Variants in NOL7 observed in about 807,000 individuals in gnomAD.
NOL7 encodes the protein nucleolar protein 7, also known as U3 small nucleolar RNA-associated protein NOL7.
In NOL7, 36 loss-of-function variants were observed where a neutral mutation model predicts 38.4. That is an observed-to-expected ratio of 0.94 (90% confidence interval 0.72 to 1.24). NOL7 has a LOEUF of 1.24. Among genes scored for constraint, NOL7 ranks in the 50% most tolerant of loss-of-function variants. The pLI is 0.00. For missense variants in NOL7, 350 were observed against 315.1 expected (o/e 1.11, Z -0.84); for synonymous variants, 142 against 126.5 (o/e 1.12, Z -0.82).
chr6:13,615,867 G>A, intron 2 of NOL7, 95 bp downstream of exon 2: 2 of 1,245,150 alleles, frequency 1.6e-6, no homozygotes, highest in South Asian at 2.9e-5. Flanking sequence ...ATATTGGAGT[G>A]GGGAAACAGT....
At chr6:13,626,524 G>A (rs1340809389), downstream of NOL7, among the ~76,000 whole-genome samples, 1 of 152,108 alleles carries the variant, frequency 6.6e-6, no homozygotes, top group Non-Finnish European at 1.5e-5. Context: ...TTTGTATGAG[G>A]ACTAAATGAA....
At chr6:13,615,875 A>C (rs1039449017) in intron 2 of NOL7, 103 bp downstream of exon 2, 2 of 1,172,990 alleles carry the variant, frequency 1.7e-6, no homozygotes, top group Middle Eastern at 2.1e-4. Flanking sequence ...GTGGGGAAAC[A>C]GTCACCAAGA....
chr6:13,617,897 A>G, intron 4 of NOL7, 96 bp downstream of exon 4: 4 of 1,288,174 alleles, frequency 3.1e-6, no homozygotes, highest in Non-Finnish European at 4.5e-6. Context: ...GAAAGCCAGC[A>G]TGGGCCTGGC....
downstream of NOL7, chr6:13,625,699 C>G: frequency 1.2e-6 from 2 of 1,613,230 alleles, no homozygotes; most frequent in Non-Finnish European, 1.7e-6. Flanking sequence ...CTCTCTGAAT[C>G]GGGTCAAGCT....
chr6:13,616,516 G>GACTA lies in NOL7; in HGVS notation c.383_386dup (p.Ile130Ter). ...TGGAGAAGTTAACCACAGCTTCACA[G>GACTA]ACTAAGTAAGTAATGGATCTTTTTA... On this transcript the variant is annotated frameshift_variant, in exon 3 of 8. Coordinates refer to ENST00000451315, the MANE Select transcript of NOL7 (RefSeq NM_016167.5). LOFTEE classifies it high-confidence loss of function. 1.2e-6 allele frequency: 2 copies of GACTA among 1,602,602 alleles called. No individual in the cohort carries two copies. The highest frequency in any genetic ancestry group is 1.7e-6 in the Non-Finnish European group (2 of 1,172,658).
At chr6:13,625,672 A>G, downstream of NOL7, 1 of 1,610,040 alleles carries the variant, frequency 6.2e-7, no homozygotes. Flanking sequence ...CACTGTTAAG[A>G]GCTGAGCACA....
chr6:13,624,105 A>G (rs1302606998), downstream of NOL7, among the ~76,000 whole-genome samples: 2 of 152,246 alleles, frequency 1.3e-5, no homozygotes, highest in Non-Finnish European at 2.9e-5. Flanking sequence ...CAATGAAAAT[A>G]TAACACATTA....
intron 5 of NOL7, among the ~76,000 whole-genome samples, chr6:13,619,074 A>G (rs1388579715): frequency 6.6e-6 from 1 of 152,176 alleles, no homozygotes; most frequent in Non-Finnish European, 1.5e-5. Flanking sequence ...CAGCACTTCA[A>G]ACTTGCCAGC....
intron 4 of NOL7, 125 bp downstream of exon 4, chr6:13,617,926 A>C: frequency 1.9e-6 from 2 of 1,030,878 alleles, no homozygotes; most frequent in Non-Finnish European, 3.0e-6. Context: ...GCTGGGGCCT[A>C]TTCCCTGTAT....
Position 13,615,772 on chromosome 6 carries a change from G to A in NOL7, c.327G>A (p.Lys109=), listed in dbSNP as rs1299223537. 3 of 1,612,122 alleles carry A rather than the reference G, an allele frequency of 1.9e-6. No individual in the cohort carries two copies. Among genetic ancestry groups the A allele is most frequent in the Non-Finnish European group, 2.5e-6 (3 of 1,179,272 alleles). ...GCGAGGAGCTGTTCATCGAACAGAA[G>A]GTTAGAGGCTAGGGAGGAGGTGTCT... The part of the protein sequence containing the change: ...KRREELFIEQ[K]KRKLLPDTIL... The change falls in exon 2 of 8, where the codon AAG becomes AAA. Residue 109 remains lysine, a splice_region_variant and synonymous_variant. Transcript: ENST00000451315.
In NOL7 at chr6:13,615,728, AAGG is replaced by A. The variant is rs1764263081; in HGVS notation, c.286_288del (p.Glu96del). On this transcript the variant is annotated inframe_deletion, in exon 2 of 8. Coordinates refer to ENST00000451315, the MANE Select transcript of NOL7 (RefSeq NM_016167.5). The stretch of plus-strand genomic sequence containing the variant: ...TCCTCCCAGGGATAAAACGCTCCTG[AAGG>A]AGAAGAGGAAGCGACGCGAGGAGCT... 3 of 1,614,204 alleles carry A rather than the reference AAGG, an allele frequency of 1.9e-6. No individual in the cohort carries two copies. The highest frequency in any genetic ancestry group is 1.7e-6 in the Non-Finnish European group (2 of 1,180,020).
chr6:13,616,561 C>A, intron 3 of NOL7, 40 bp downstream of exon 3: 1 of 1,351,054 alleles, frequency 7.4e-7, no homozygotes, highest in Non-Finnish European at 1.0e-6. Context: ...CTTATATACA[C>A]CCATCTTTGA....
intron 8 of NOL7, among the ~76,000 whole-genome samples, chr6:13,627,733 A>G (rs189947861): frequency 2.0e-5 from 3 of 152,254 alleles, no homozygotes; most frequent in Admixed American, 1.3e-4. Flanking sequence ...CCATACCCAT[A>G]GTACAGATAA....
Position 13,620,911 on chromosome 6 carries a change from A to C in NOL7, c.*84A>C. 1.2e-6 allele frequency: 1 copy of C among 841,628 alleles called. No homozygotes were observed. The highest frequency in any genetic ancestry group is 1.8e-6 in the Non-Finnish European group (1 of 548,712). The allele number at this position is 841,628 out of a possible 1,614,324, so 52.1% of individuals were successfully genotyped here. A position where few individuals can be genotyped will look rare whatever the true frequency, so the allele number is the denominator to read the frequency against. ...TCATAGATCATTTTAAAGGATCATTATAAAAATCATAAACCTATTTGAGGA... is the reference window on the plus strand; with the variant it reads ...TCATAGATCATTTTAAAGGATCATTCTAAAAATCATAAACCTATTTGAGGA... On this transcript the variant is annotated 3_prime_UTR_variant, in exon 8 of 8. Coordinates refer to ENST00000451315, the MANE Select transcript of NOL7 (RefSeq NM_016167.5).
At chr6:13,624,321 C>T (rs568588223), downstream of NOL7, among the ~76,000 whole-genome samples, 2 of 152,170 alleles carry the variant, frequency 1.3e-5, no homozygotes, top group African/African-American at 4.8e-5. Flanking sequence ...GCCCTCATTG[C>T]AAGTCTCCCT....
At chr6:13,620,159 G>T in intron 5 of NOL7, 49 bp from the exon 6 acceptor site, 1 of 1,554,602 alleles carries the variant, frequency 6.4e-7, no homozygotes. Flanking sequence ...AAAAAAAAAA[G>T]AAAGTAAGCA....
intron 8 of NOL7, among the ~76,000 whole-genome samples, chr6:13,631,085 G>T (rs1764768874): frequency 6.6e-6 from 1 of 152,074 alleles, no homozygotes; most frequent in African/African-American, 2.4e-5. Flanking sequence ...TGGGAATACA[G>T]GTGTGAGCCA....
At chr6:13,625,417 C>T (rs947814394), downstream of NOL7, among the ~76,000 whole-genome samples, 1 of 152,164 alleles carries the variant, frequency 6.6e-6, no homozygotes, top group Admixed American at 6.5e-5. Context: ...CACACAAAAA[C>T]TTCTATTTCC....
At chr6:13,627,228 C>A (rs1333728097) in intron 8 of NOL7, among the ~76,000 whole-genome samples, 1 of 152,180 alleles carries the variant, frequency 6.6e-6, no homozygotes, top group Non-Finnish European at 1.5e-5. Context: ...ATGCATCCCA[C>A]AAAGCTACTT....
Sources: allele counts gnomAD v4.1 joint callset (sites outside exome capture counted in the v4.1 genomes callset), GRCh38; gene constraint gnomAD v4.1.1; transcripts MANE v1.5; gene names NCBI Gene and HGNC (gene_info 2026-07-23, HGNC 2026-07-21).